ITGA9: variants seen among roughly 807,000 people sequenced by gnomAD.
ITGA9 encodes integrin subunit alpha 9, also known as integrin alpha-9.
ITGA9 carries 56 observed loss-of-function variants against 127.8 expected under a neutral mutation model. The ratio of observed to expected loss-of-function variants is 0.44; its 90% CI spans 0.35 to 0.55. ITGA9 has a LOEUF of 0.55. Ranked by LOEUF, ITGA9 falls within the 20% of genes least tolerant of loss-of-function variation. The probability of loss-of-function intolerance (pLI) is 0.00; values close to 1 mark genes in which losing one functional copy is unlikely to be tolerated. For missense variants in ITGA9, 1,196 were observed against 1,347.1 expected, an observed-to-expected ratio of 0.89 and a Z score of 1.76; for synonymous variants, 508 against 514.5, an observed-to-expected ratio of 0.99 and a Z score of 0.17.
intron 15 of ITGA9, among the ~76,000 whole-genome samples, chr3:37,617,564 A>G (rs1008107618): frequency 2.6e-5 from 4 of 152,200 alleles, no homozygotes; most frequent in Non-Finnish European, 4.4e-5. Context: ...GTGTTTTCCA[A>G]CTTGGTTCCA....
chr3:37,533,836 T>G (rs537341612), intron 14 of ITGA9, among the ~76,000 whole-genome samples: 1 of 152,196 alleles, frequency 6.6e-6, no homozygotes, highest in Admixed American at 6.5e-5. Flanking sequence ...GACAGGACTT[T>G]GGAGGCTCCT....
chr3:37,509,084 G>A (rs1222144077), intron 8 of ITGA9, among the ~76,000 whole-genome samples: 2 of 152,120 alleles, frequency 1.3e-5, no homozygotes, highest in African/African-American at 4.8e-5. Context: ...CATTGCCAAG[G>A]TGACTGTTGC....
In ITGA9 at chr3:37,505,985, G is replaced by A. The variant is rs764511628; in HGVS notation, c.743-15G>A. 2.0e-5 allele frequency: 32 copies of A among 1,583,418 alleles called. No individual in the cohort carries two copies. The highest frequency in any genetic ancestry group is 1.3e-4 in the South Asian group (11 of 87,330). ...TTTTTCAACCGTGTGCTTGGTTTCC[G>A]CCCATCCTGTTCAGGCTACGCAGTG... is the stretch of plus-strand genomic sequence containing the variant. On this transcript the variant is annotated splice_polypyrimidine_tract_variant and intron_variant, in intron 6 of 27. Transcript: ENST00000264741.
chr3:37,780,039 G>C lies in ITGA9; in HGVS notation c.2787+18G>C. ...TGAAAAAGGTAAGCCCTAATGAACCGCACTTGTGGATGCATTTAGAAGCAT... is the reference window on the plus strand; with the variant it reads ...TGAAAAAGGTAAGCCCTAATGAACCCCACTTGTGGATGCATTTAGAAGCAT... On this transcript the variant is annotated intron_variant, in intron 25 of 27. Transcript: ENST00000264741. 6.2e-7 allele frequency: 1 copy of C among 1,613,124 alleles called. No homozygotes were observed. The highest frequency in any genetic ancestry group is 8.5e-7 in the Non-Finnish European group (1 of 1,179,532).
intron 15 of ITGA9, among the ~76,000 whole-genome samples, chr3:37,616,723 C>T (rs1700078603): frequency 6.6e-6 from 1 of 152,282 alleles, no homozygotes; most frequent in African/African-American, 2.4e-5. Context: ...ATGTAATGGC[C>T]TTCTTTGTCT....
chr3:37,596,777 T>A (rs979555312), intron 15 of ITGA9, among the ~76,000 whole-genome samples: 4 of 151,998 alleles, frequency 2.6e-5, no homozygotes, highest in African/African-American at 9.7e-5. Flanking sequence ...GTCCCAATGC[T>A]CAGGAAGCTC....
At chr3:37,605,143 T>C (rs1408015114) in intron 15 of ITGA9, among the ~76,000 whole-genome samples, 1 of 152,104 alleles carries the variant, frequency 6.6e-6, no homozygotes. Flanking sequence ...CAGGGAAGCA[T>C]TGCAGGCAGA....
intron 16 of ITGA9, among the ~76,000 whole-genome samples, chr3:37,633,787 T>C (rs941079454): frequency 6.6e-6 from 1 of 152,146 alleles, no homozygotes; most frequent in Non-Finnish European, 1.5e-5. Flanking sequence ...CCTAATCCTA[T>C]AACTGACTGG....
At chr3:37,804,867 A>G (rs752581297) in intron 27 of ITGA9, among the ~76,000 whole-genome samples, 2 of 152,214 alleles carry the variant, frequency 1.3e-5, no homozygotes, top group Non-Finnish European at 2.9e-5. Flanking sequence ...GTTGTAAAAC[A>G]CCAGGAGTTC....
chr3:37,671,471 G>A (rs912340400), intron 17 of ITGA9, among the ~76,000 whole-genome samples: 5 of 152,162 alleles, frequency 3.3e-5, no homozygotes, highest in Non-Finnish European at 5.9e-5. Flanking sequence ...GGACATGGAC[G>A]TGCTATTTTT....
At chr3:37,662,433 G>T (rs1199055001) in intron 17 of ITGA9, among the ~76,000 whole-genome samples, 2 of 152,080 alleles carry the variant, frequency 1.3e-5, no homozygotes, top group East Asian at 3.9e-4. Context: ...CACTCCAGGA[G>T]CCAGGGTGGG....
intron 22 of ITGA9, chr3:37,745,380 G>A (rs567311160): frequency 6.6e-6 from 1 of 152,364 alleles, no homozygotes; most frequent in East Asian, 1.9e-4. Flanking sequence ...GTTAGAGCTT[G>A]TTTTTGAGAC....
chr3:37,777,270 A>C, intron 23 of ITGA9, 122 bp from the exon 24 acceptor site: 3 of 1,151,624 alleles, frequency 2.6e-6, no homozygotes, highest in Non-Finnish European at 2.6e-6. Flanking sequence ...TCTCCACTTC[A>C]AAATGGACAA....
chr3:37,508,611 A>T lies in ITGA9; in HGVS notation c.881A>T (p.Gln294Leu). The change falls in exon 8 of 28, where the codon CAA becomes CTA. Residue 294 changes from glutamine (Q) to leucine (L), a missense_variant. Coordinates refer to ENST00000264741, the MANE Select transcript of ITGA9 (RefSeq NM_002207.3). ...TCAGGCACCTTAATTAAGATCTTTC[A>T]AGCATCAGGTAAAAAGGTGAGGTTC... ...RRSGTLIKIF[Q>L]ASGKKMGSYF... The T allele has an allele frequency of 6.2e-7, 1 of 1,613,546 alleles. No homozygotes were observed. The highest frequency in any genetic ancestry group is 2.2e-5 in the East Asian group (1 of 44,868).
chr3:37,720,316 A>G (rs1044251654), intron 18 of ITGA9, among the ~76,000 whole-genome samples: 1 of 152,134 alleles, frequency 6.6e-6, no homozygotes, highest in African/African-American at 2.4e-5. Context: ...CTCCCGCATA[A>G]CCTTTTCATC....
intron 15 of ITGA9, among the ~76,000 whole-genome samples, chr3:37,557,847 T>A (rs920368869): frequency 4.6e-5 from 7 of 152,246 alleles, no homozygotes; most frequent in African/African-American, 1.4e-4. Flanking sequence ...TTGAGGGATC[T>A]GAGATTTAGA....
intron 18 of ITGA9, among the ~76,000 whole-genome samples, chr3:37,731,868 CAAAAT>C (rs1696296625): frequency 1.3e-5 from 2 of 152,144 alleles, no homozygotes; most frequent in African/African-American, 4.8e-5. Context: ...CAGTTGGACA[CAAAAT>C]AAAAATGTTT....
chr3:37,616,042 T>G (rs898466581), intron 15 of ITGA9, among the ~76,000 whole-genome samples: 1 of 152,254 alleles, frequency 6.6e-6, no homozygotes, highest in African/African-American at 2.4e-5. Context: ...CTCTAGTTCT[T>G]TTAATTGTGA....
At chr3:37,779,874 T>C (rs748625133) in intron 24 of ITGA9, 28 bp from the exon 25 acceptor site, 4 of 1,613,020 alleles carry the variant, frequency 2.5e-6, no homozygotes, top group South Asian at 2.2e-5. Context: ...TTAATTCCAT[T>C]GGAAATTTTT....
Sources: gnomAD v4.1 joint callset for allele counts (sites outside exome capture counted in the v4.1 genomes callset) on GRCh38, gnomAD v4.1.1 for gene constraint, MANE v1.5 for transcripts, NCBI Gene and HGNC (gene_info 2026-07-23, HGNC 2026-07-21) for gene names.